The following KCNJ3 variants were observed in gnomAD, a reference collection of about 807,000 sequenced individuals.
KCNJ3 encodes the protein potassium inwardly rectifying channel subfamily J member 3, also known as G protein-activated inward rectifier potassium channel 1.
In KCNJ3, 4 loss-of-function variants were observed where a neutral mutation model predicts 39.2. The observed-to-expected ratio is 0.10, with a 90% CI of 0.05 to 0.23. The LOEUF (loss-of-function observed/expected upper bound fraction) is 0.23. KCNJ3 is among the 10% of genes least tolerant of loss of function. The pLI, the probability that KCNJ3 is intolerant of heterozygous loss-of-function variation, is 1.00. For missense variants in KCNJ3, 276 were observed against 634.9 expected, an observed-to-expected ratio of 0.43 and a Z score of 6.08; for synonymous variants, 230 against 237.4, an observed-to-expected ratio of 0.97 and a Z score of 0.29.
At chr2:154,707,200 G>A (rs1008857615) in intron 1 of KCNJ3, among the ~76,000 whole-genome samples, 35 of 149,064 alleles carry the variant, frequency 2.3e-4, no homozygotes, top group Non-Finnish European at 3.7e-4. Flanking sequence ...CCAAAGTGTC[G>A]TATAATAGGA....
At chr2:154,846,169 T>A (rs1687659842) in intron 2 of KCNJ3, among the ~76,000 whole-genome samples, 1 of 152,096 alleles carries the variant, frequency 6.6e-6, no homozygotes, top group Non-Finnish European at 1.5e-5. Context: ...CTGGGCTCAG[T>A]TCCTTGTGTT....
rs375460262 is a variant in KCNJ3, at chr2:154,760,401, G to A, written c.919+50582G>A. ...GTTTTGGGCTTTAAATATTTATGTA[G>A]GAGTTTTTGTTGTATAGTACCCTTC... On this transcript the variant is annotated intron_variant, in intron 2 of 2. Transcript: ENST00000295101. Among the ~76,000 whole-genome samples, 14 of 152,112 alleles carry A rather than the reference G, an allele frequency of 9.2e-5. No homozygotes were observed. The South Asian group carries it at 2.5e-3, about 27-fold the overall frequency.
intron 2 of KCNJ3, among the ~76,000 whole-genome samples, chr2:154,849,230 T>C (rs1687714577): frequency 6.6e-6 from 1 of 152,196 alleles, no homozygotes; most frequent in Non-Finnish European, 1.5e-5. Flanking sequence ...AGACAACTTG[T>C]AAATAGTGCT....
intron 2 of KCNJ3, among the ~76,000 whole-genome samples, chr2:154,754,126 T>A (rs184648556): frequency 6.6e-6 from 1 of 152,220 alleles, no homozygotes. Flanking sequence ...TCCCGTTTTG[T>A]ATCATGAATA....
chr2:154,785,740 A>G (rs1459933763), intron 2 of KCNJ3, among the ~76,000 whole-genome samples: 2 of 152,188 alleles, frequency 1.3e-5, no homozygotes, highest in Admixed American at 1.3e-4. Context: ...AGCAACAAAT[A>G]TGGACTTAGC....
chr2:154,821,994 CAA>C (rs1687191234), intron 2 of KCNJ3, among the ~76,000 whole-genome samples: 1 of 151,784 alleles, frequency 6.6e-6, no homozygotes, highest in Non-Finnish European at 1.5e-5. Context: ...AGAACTACAC[CAA>C]AGAGTGCAAT....
At chr2:154,843,119 T>C (rs1460453491) in intron 2 of KCNJ3, among the ~76,000 whole-genome samples, 1 of 152,214 alleles carries the variant, frequency 6.6e-6, no homozygotes, top group Non-Finnish European at 1.5e-5. Flanking sequence ...GGAGCTCTTG[T>C]AGGGCAGGCC....
chr2:154,735,336 G>T (rs1685512522), intron 2 of KCNJ3, among the ~76,000 whole-genome samples: 1 of 151,240 alleles, frequency 6.6e-6, no homozygotes, highest in African/African-American at 2.4e-5. Context: ...GGATGGTCTG[G>T]ATTTCCTGAC....
intron 2 of KCNJ3, among the ~76,000 whole-genome samples, chr2:154,754,376 C>T (rs747590825): frequency 4.9e-4 from 74 of 152,170 alleles, no homozygotes; most frequent in Middle Eastern, 3.4e-3. Context: ...TGGGTTCAAG[C>T]GATTCTCCTG....
At chr2:154,705,187 A>C (rs983530698) in intron 1 of KCNJ3, among the ~76,000 whole-genome samples, 9 of 152,298 alleles carry the variant, frequency 5.9e-5, no homozygotes, top group African/African-American at 2.2e-4. Context: ...GAGACGGGAG[A>C]GAGAGAGGTA....
intron 2 of KCNJ3, among the ~76,000 whole-genome samples, chr2:154,798,760 T>C (rs1056702230): frequency 2.0e-5 from 3 of 152,240 alleles, no homozygotes; most frequent in Admixed American, 6.5e-5. Context: ...TTGTTGCATA[T>C]TGCAAAATTA....
chr2:154,769,870 G>A (rs1241815999), intron 2 of KCNJ3, among the ~76,000 whole-genome samples: 2 of 151,878 alleles, frequency 1.3e-5, no homozygotes, highest in Non-Finnish European at 2.9e-5. Context: ...TACAGAAATG[G>A]GTGGAAGGAA....
At chr2:154,819,222 G>C (rs944413932) in intron 2 of KCNJ3, among the ~76,000 whole-genome samples, 2 of 151,986 alleles carry the variant, frequency 1.3e-5, no homozygotes, top group African/African-American at 4.8e-5. Context: ...GCTGAAATGG[G>C]CCCAGAACTT....
chr2:154,847,458 G>GTGA (rs1246638891), intron 2 of KCNJ3, among the ~76,000 whole-genome samples: 1 of 152,118 alleles, frequency 6.6e-6, no homozygotes, highest in East Asian at 1.9e-4. Context: ...AAGTTACTTG[G>GTGA]TGATATACAA....
At chr2:154,848,276 C>A (rs2105136844) in intron 2 of KCNJ3, among the ~76,000 whole-genome samples, 1 of 152,198 alleles carries the variant, frequency 6.6e-6, no homozygotes, top group South Asian at 2.1e-4. Context: ...TTCTCTGTTA[C>A]TTGAAGTTTC....
chr2:154,716,276 A>ATTTTTTTTT (rs535989708), intron 2 of KCNJ3, among the ~76,000 whole-genome samples: 318 of 115,384 alleles, frequency 2.8e-3, no homozygotes, highest in African/African-American at 5.5e-3. Flanking sequence ...CGGCCGGCTA[A>ATTTTTTTTT]TTTTTTTTTT....
intron 2 of KCNJ3, among the ~76,000 whole-genome samples, chr2:154,767,642 A>G (rs1411685514): frequency 6.6e-6 from 1 of 152,208 alleles, no homozygotes; most frequent in Non-Finnish European, 1.5e-5. Context: ...TGCCACAATA[A>G]ACATACGTGT....
chr2:154,814,301 G>A (rs1032192654), intron 2 of KCNJ3, among the ~76,000 whole-genome samples: 1 of 152,046 alleles, frequency 6.6e-6, no homozygotes, highest in Non-Finnish European at 1.5e-5. Flanking sequence ...TAACGTATAA[G>A]TATACAAATA....
At chr2:154,730,845 T>G (rs1245880125) in intron 2 of KCNJ3, among the ~76,000 whole-genome samples, 1 of 152,126 alleles carries the variant, frequency 6.6e-6, no homozygotes, top group Non-Finnish European at 1.5e-5. Flanking sequence ...TAAAATATAT[T>G]GTCAAATCAC....
Sources: gnomAD v4.1 joint callset for allele counts (sites outside exome capture counted in the v4.1 genomes callset) on GRCh38, gnomAD v4.1.1 for gene constraint, MANE v1.5 for transcripts, NCBI Gene and HGNC (gene_info 2026-07-23, HGNC 2026-07-21) for gene names.